PTTG1IP2: variants seen among roughly 807,000 people sequenced by gnomAD.
PTTG1IP2 encodes PTTG1IP family member 2.
chr7:90,483,074 T>C (rs888861225), intron 2 of PTTG1IP2, among the ~76,000 whole-genome samples: 2 of 152,102 alleles, frequency 1.3e-5, no homozygotes, highest in Non-Finnish European at 2.9e-5. Flanking sequence ...GCATGGAGTC[T>C]GGGAGAATGG....
At chr7:90,492,125 T>C (rs1357906717) in intron 4 of PTTG1IP2, 114 bp from the exon 5 acceptor site, 1 of 152,130 alleles carries the variant, frequency 6.6e-6, no homozygotes, top group Non-Finnish European at 1.5e-5. Flanking sequence ...AGCAAGACTC[T>C]GTCTCAAAAA....
At chr7:90,494,666 G>A (rs1320069190) in intron 6 of PTTG1IP2, among the ~76,000 whole-genome samples, 2 of 152,138 alleles carry the variant, frequency 1.3e-5, no homozygotes, top group East Asian at 3.9e-4. Flanking sequence ...AGGATCACCT[G>A]AGGCCAGGAG....
intron 6 of PTTG1IP2, among the ~76,000 whole-genome samples, chr7:90,500,196 A>G (rs1798046754): frequency 6.6e-6 from 1 of 152,182 alleles, no homozygotes; most frequent in African/African-American, 2.4e-5. Context: ...CCTGGGCAAC[A>G]GAGGGAGACT....
intron 1 of PTTG1IP2, among the ~76,000 whole-genome samples, chr7:90,478,400 T>G (rs564172718): frequency 2.7e-4 from 41 of 152,248 alleles, no homozygotes; most frequent in Non-Finnish European, 5.3e-4. Context: ...AACTTTCCCA[T>G]GGGTATTTCA....
At chr7:90,474,167 A>G (rs139131287) in intron 1 of PTTG1IP2, among the ~76,000 whole-genome samples, 127 of 152,360 alleles carry the variant, frequency 8.3e-4, no homozygotes, top group African/African-American at 2.9e-3. Context: ...GCATGTTACT[A>G]TGCTGAATAC....
rs1797970905 is a variant in PTTG1IP2 at position 90,494,418 on chromosome 7, A to ATGGTAAG, written c.*38_*39insTGGTAAG. ...AGATCCTCCAGAAAGAGCAGAAGGA[A>ATGGTAAG]GTTTCTTCAATGGTAAGGTTTCAAA... is the stretch of plus-strand genomic sequence containing the variant. On this transcript the variant is annotated 3_prime_UTR_variant, in exon 6 of 7. Transcript: ENST00000509356. 1.3e-5 allele frequency: 2 copies of ATGGTAAG among 152,230 alleles called. No individual in the cohort carries two copies. Among genetic ancestry groups the ATGGTAAG allele is most frequent in the African/African-American group, 2.4e-5 (1 of 41,464 alleles). The allele number at this position is 152,230 out of a possible 1,614,324, so 9.4% of individuals were successfully genotyped here. A position where few individuals can be genotyped will look rare whatever the true frequency, so the allele number is the denominator to read the frequency against.
rs372992259 is a variant in PTTG1IP2 at position 90,480,953 on chromosome 7, A to G, written c.192+1679A>G. Among the ~76,000 whole-genome samples the G allele has an allele frequency of 2.6e-4, 40 of 152,272 alleles. No homozygotes were observed. In the East Asian group the frequency reaches 3.1e-3, roughly 12 times the overall value. ...TTTGGATTAATTTTGGACTTTTATC[A>G]TGTTCCTCTTTTCCCTGTTCTTTTG... On this transcript the variant is annotated intron_variant, in intron 2 of 6. Transcript: ENST00000509356.
rs540253294 is a variant in PTTG1IP2 at position 90,513,378 on chromosome 7, C to G, written c.*151C>G. ...TTTTAAATTCTATTAAACATTTTTT[C>G]GAGTATTTCATTACTTTTACATTAT... On this transcript the variant is annotated 3_prime_UTR_variant, in exon 7 of 7. Coordinates refer to ENST00000509356, the MANE Select transcript of PTTG1IP2 (RefSeq NM_001365443.2). The G allele has an allele frequency of 6.6e-6, 1 of 152,370 alleles. No individual in the cohort carries two copies. The highest frequency in any genetic ancestry group is 1.5e-5 in the Non-Finnish European group (1 of 67,990). The allele number at this position is 152,370 out of a possible 1,614,324, so 9.4% of individuals were successfully genotyped here.
chr7:90,488,823 T>C (rs1797906159), intron 3 of PTTG1IP2, 48 bp from the exon 4 acceptor site: 2 of 152,004 alleles, frequency 1.3e-5, no homozygotes, highest in Admixed American at 6.6e-5. Flanking sequence ...TAGCAGAAAT[T>C]ACTGATGTTC....
At chr7:90,470,540 T>C (rs753801261) in intron 1 of PTTG1IP2, among the ~76,000 whole-genome samples, 1 of 152,208 alleles carries the variant, frequency 6.6e-6, no homozygotes, top group South Asian at 2.1e-4. Context: ...TTGCCATTTT[T>C]ACAAAGACAA....
chr7:90,489,264 T>A (rs1295266380), intron 4 of PTTG1IP2, among the ~76,000 whole-genome samples: 1 of 151,936 alleles, frequency 6.6e-6, no homozygotes, highest in Non-Finnish European at 1.5e-5. Context: ...TGGTTATGTT[T>A]TCTTTTCATG....
At chr7:90,486,379 GAT>G (rs4015369) in intron 2 of PTTG1IP2, among the ~76,000 whole-genome samples, 95,446 of 150,746 alleles carry the variant, frequency 0.63, 31,535 homozygotes, top group Non-Finnish European at 0.75. Context: ...GAAGTGAGTG[GAT>G]ATATATATAT....
intron 4 of PTTG1IP2, among the ~76,000 whole-genome samples, chr7:90,490,688 A>AT (rs1797928314): frequency 1.3e-5 from 2 of 152,138 alleles, no homozygotes; most frequent in Non-Finnish European, 2.9e-5. Flanking sequence ...CTGTTTTGTA[A>AT]TTTTTTAAAT....
At chr7:90,487,851 A>G (rs2116076743) in intron 3 of PTTG1IP2, among the ~76,000 whole-genome samples, 1 of 152,270 alleles carries the variant, frequency 6.6e-6, no homozygotes, top group African/African-American at 2.4e-5. Context: ...ATGTCATTTT[A>G]GGAATTCCAG....
chr7:90,473,299 C>T (rs1797711364), intron 1 of PTTG1IP2, among the ~76,000 whole-genome samples: 1 of 152,076 alleles, frequency 6.6e-6, no homozygotes, highest in South Asian at 2.1e-4. Context: ...GAATACTGGA[C>T]CTCACGTCTA....
chr7:90,483,829 T>A (rs573220568), intron 2 of PTTG1IP2, among the ~76,000 whole-genome samples: 1 of 152,168 alleles, frequency 6.6e-6, no homozygotes, highest in Non-Finnish European at 1.5e-5. Context: ...ATGAGCACAT[T>A]CCTAATTCCT....
intron 6 of PTTG1IP2, among the ~76,000 whole-genome samples, chr7:90,496,968 T>C (rs1289069314): frequency 6.6e-6 from 1 of 152,250 alleles, no homozygotes; most frequent in Non-Finnish European, 1.5e-5. Flanking sequence ...GAGAATGTCG[T>C]TTAATTTCCA....
intron 2 of PTTG1IP2, among the ~76,000 whole-genome samples, chr7:90,483,308 A>G (rs1797834219): frequency 6.6e-6 from 1 of 152,104 alleles, no homozygotes; most frequent in Non-Finnish European, 1.5e-5. Flanking sequence ...CTCATTTTTC[A>G]CCTGAACCAA....
chr7:90,510,566 GT>G, intron 6 of PTTG1IP2, among the ~76,000 whole-genome samples: 1 of 152,200 alleles, frequency 6.6e-6, no homozygotes, highest in Non-Finnish European at 1.5e-5. Flanking sequence ...TGTGTCTTTA[GT>G]TGTTTGGGAC....
Sources: allele counts gnomAD v4.1 joint callset (sites outside exome capture counted in the v4.1 genomes callset), GRCh38; gene constraint gnomAD v4.1.1; transcripts MANE v1.5; gene names NCBI Gene and HGNC (gene_info 2026-07-23, HGNC 2026-07-21).